SERPINE2: variants seen among roughly 807,000 people sequenced by gnomAD.
The protein encoded by SERPINE2 is glia-derived nexin.
SERPINE2 carries 14 observed loss-of-function variants against 36.3 expected under a neutral mutation model. The observed-to-expected ratio is 0.39, with a 90% CI of 0.25 to 0.60. The LOEUF is 0.60. SERPINE2 is among the 20% of genes least tolerant of loss of function. SERPINE2 has a pLI of 0.57. For missense variants in SERPINE2, 418 were observed against 499.6 expected (o/e 0.84, Z 1.56); for synonymous variants, 192 against 191.8 (o/e 1.00, Z -0.01).
At chr2:224,027,815 T>C (rs887720541) in intron 1 of SERPINE2, among the ~76,000 whole-genome samples, 1 of 152,170 alleles carries the variant, frequency 6.6e-6, no homozygotes, top group African/African-American at 2.4e-5. Context: ...TGTGCCCCTC[T>C]AAGCACCTCT....
chr2:223,985,298 TC>T (rs1180161589), intron 4 of SERPINE2, among the ~76,000 whole-genome samples: 3 of 73,654 alleles, frequency 4.1e-5, no homozygotes, highest in Non-Finnish European at 9.1e-5. Flanking sequence ...TTAGAATCAT[TC>T]CTTTTTTTTT....
At chr2:224,022,699 A>G (rs1692046767) in intron 1 of SERPINE2, among the ~76,000 whole-genome samples, 1 of 152,216 alleles carries the variant, frequency 6.6e-6, no homozygotes, top group Admixed American at 6.5e-5. Flanking sequence ...AAATGGTTTT[A>G]GTTCTATGAC....
At chr2:223,992,171 C>T in intron 3 of SERPINE2, among the ~76,000 whole-genome samples, 171 bp from the exon 4 acceptor site, 1 of 152,046 alleles carries the variant, frequency 6.6e-6, no homozygotes, top group East Asian at 1.9e-4. Context: ...CCCTCCCCCA[C>T]TAAATATTAA....
chr2:223,991,666 C>T, intron 4 of SERPINE2, 137 bp downstream of exon 4: 1 of 845,518 alleles, frequency 1.2e-6, no homozygotes. Flanking sequence ...AAAAATCCTG[C>T]CTCTCAGCAC....
At chr2:224,025,532 T>C (rs774537498) in intron 1 of SERPINE2, among the ~76,000 whole-genome samples, 1 of 152,208 alleles carries the variant, frequency 6.6e-6, no homozygotes. Flanking sequence ...CCAAATAAAC[T>C]TTATGACTCA....
At chr2:224,020,731 C>T (rs542270463) in intron 1 of SERPINE2, among the ~76,000 whole-genome samples, 2 of 152,234 alleles carry the variant, frequency 1.3e-5, no homozygotes, top group South Asian at 2.1e-4. Flanking sequence ...ACAGCCACAC[C>T]GAACATATTT....
intron 2 of SERPINE2, among the ~76,000 whole-genome samples, chr2:224,000,120 C>G (rs1392874445): frequency 6.6e-6 from 1 of 152,216 alleles, no homozygotes; most frequent in Admixed American, 6.5e-5. Flanking sequence ...CCTCACTGAT[C>G]TTACTCTCCA....
At chr2:223,978,047 T>G (rs114211301) in intron 7 of SERPINE2, 4,916 of 164,310 alleles carry the variant, frequency 0.03, 109 homozygotes, top group Non-Finnish European at 0.042. Flanking sequence ...GTCCTTTTTT[T>G]TGGGGATGGA....
At chr2:224,033,831 A>G (rs1415509451) in intron 1 of SERPINE2, among the ~76,000 whole-genome samples, 1 of 152,216 alleles carries the variant, frequency 6.6e-6, no homozygotes, top group Non-Finnish European at 1.5e-5. Flanking sequence ...TCAGATGAGG[A>G]TAACTGAAGT....
chr2:223,975,700 A>G lies in SERPINE2; in HGVS notation c.*167T>C, dbSNP rs559080093. On this transcript the variant is annotated 3_prime_UTR_variant, in exon 9 of 9. Coordinates refer to ENST00000409304, the MANE Select transcript of SERPINE2 (RefSeq NM_001136528.2). ...GCCATCCTGCTTGTTTTTTCCCTCC[A>G]ATACCTCCCAGAACAGAAACACTTG... 930 of 539,518 alleles carry G rather than the reference A, an allele frequency of 1.7e-3. 4 individuals carry two copies. Among genetic ancestry groups the G allele is most frequent in the Admixed American group, 2.9e-3 (93 of 32,122 alleles). 33.4% of individuals were successfully genotyped at this position (539,518 alleles called of 1,614,324 possible).
intron 1 of SERPINE2, among the ~76,000 whole-genome samples, chr2:224,019,750 C>CTTTTAT (rs1553549393): frequency 1.9e-4 from 11 of 58,216 alleles, no homozygotes; most frequent in African/African-American, 6.0e-4. Flanking sequence ...TTGAGGAAGT[C>CTTTTAT]TTTTTTTTTT....
chr2:224,038,843 G>C, intron 1 of SERPINE2: 1 of 286,416 alleles, frequency 3.5e-6, no homozygotes, highest in Non-Finnish European at 6.4e-6. Context: ...GCCCTGCCCG[G>C]GTCCCGCTCG....
chr2:223,999,774 C>T (rs1426456479), intron 2 of SERPINE2, among the ~76,000 whole-genome samples: 3 of 152,184 alleles, frequency 2.0e-5, no homozygotes, highest in Non-Finnish European at 4.4e-5. Flanking sequence ...AGCATTAAAA[C>T]AAACAACAAA....
chr2:224,035,315 G>A (rs1692496072), intron 1 of SERPINE2, among the ~76,000 whole-genome samples: 1 of 152,182 alleles, frequency 6.6e-6, no homozygotes, highest in East Asian at 1.9e-4. Flanking sequence ...TCAGGCACTG[G>A]AAACCCAGCA....
chr2:223,976,419 T>C (rs993028827), intron 8 of SERPINE2, among the ~76,000 whole-genome samples: 4 of 152,296 alleles, frequency 2.6e-5, no homozygotes, highest in Non-Finnish European at 4.4e-5. Flanking sequence ...CCCAAAGTGC[T>C]GGGATTACAG....
chr2:224,031,437 C>CA, intron 1 of SERPINE2: 1 of 985,658 alleles, frequency 1.0e-6, no homozygotes, highest in South Asian at 4.7e-5. Context: ...GAACGCCAGG[C>CA]AGCACGGTCC....
intron 1 of SERPINE2, among the ~76,000 whole-genome samples, chr2:224,015,059 G>A (rs577825397): frequency 6.6e-6 from 1 of 152,104 alleles, no homozygotes; most frequent in South Asian, 2.1e-4. Context: ...GGGCCAGGGA[G>A]GGTGGTGCCG....
intron 1 of SERPINE2, among the ~76,000 whole-genome samples, chr2:224,007,458 C>T (rs760846597): frequency 1.3e-5 from 2 of 152,276 alleles, no homozygotes; most frequent in East Asian, 1.9e-4. Context: ...TATTAACTCA[C>T]GGCTTGGTTT....
rs768391659 is a variant in SERPINE2, at chr2:223,984,807, T to C, written c.829A>G (p.Ile277Val). 7.4e-6 allele frequency: 12 copies of C among 1,613,942 alleles called. No individual in the cohort carries two copies. Among genetic ancestry groups the C allele is most frequent in the South Asian group, 1.1e-5 (1 of 91,074 alleles). ...ACCATGATGCTCATCCAGCTGTCTA[T>C]GGTCTTGGTGCTGATGTGTGGGATG... ...AIIPHISTKT[I>V]DSWMSIMVPK... The change falls in exon 5 of 9, where the codon ATA becomes GTA. Residue 277 changes from isoleucine to valine, a missense_variant. Ile to Val is a conservative substitution (Grantham distance 29). Transcript: ENST00000409304.
Sources: allele counts gnomAD v4.1 joint callset (sites outside exome capture counted in the v4.1 genomes callset), GRCh38; gene constraint gnomAD v4.1.1; transcripts MANE v1.5; gene names NCBI Gene and HGNC (gene_info 2026-07-23, HGNC 2026-07-21).